Variants in TMC1 observed in about 807,000 individuals in gnomAD.
The protein encoded by TMC1 is transmembrane channel-like protein 1.
TMC1 carries 84 observed loss-of-function variants against 105.8 expected under a neutral mutation model. The ratio of observed to expected loss-of-function variants is 0.79; its 90% CI spans 0.67 to 0.95. The LOEUF (loss-of-function observed/expected upper bound fraction) is 0.95, where lower values mean the gene tolerates loss of function less well. Among genes scored for constraint, TMC1 ranks in the 40% least tolerant of loss-of-function variants. TMC1 has a pLI of 0.00. For synonymous variants in TMC1, 315 were observed against 311.5 expected, an observed-to-expected ratio of 1.01 and a Z score of -0.12; for missense variants, 817 against 914.1, an observed-to-expected ratio of 0.89 and a Z score of 1.37.
At chr9:72,669,630 C>A (rs1826096955) in intron 5 of TMC1, among the ~76,000 whole-genome samples, 1 of 151,542 alleles carries the variant, frequency 6.6e-6, no homozygotes, top group Non-Finnish European at 1.5e-5. Flanking sequence ...ATTTCACATA[C>A]CTGGGGATGA....
rs768955462 is a variant in TMC1, at chr9:72,789,193, T to G, written c.1100T>G (p.Leu367Arg). The G allele has an allele frequency of 6.6e-5, 107 of 1,613,784 alleles. No homozygotes were observed. Among genetic ancestry groups the G allele is most frequent in the Non-Finnish European group, 8.8e-5 (104 of 1,179,986 alleles). Residue 367 changes from leucine (L) to arginine (R), a missense_variant, in exon 15 of 24, where the codon CTG becomes CGG. Transcript: ENST00000297784. ...CACTTGATCAGATTCCTGAGGTTTC[T>G]GGCTAACTTCTTCGTGTTTCTAACA... ...NVHLIRFLRF[L>R]ANFFVFLTLG...
chr9:72,646,714 ACCTCCAATG>A (rs893091088), intron 4 of TMC1, among the ~76,000 whole-genome samples: 4 of 151,574 alleles, frequency 2.6e-5, no homozygotes, highest in African/African-American at 9.7e-5. Context: ...ACTCACTGCA[ACCTCCAATG>A]GGCCATTTTA....
intron 2 of TMC1, among the ~76,000 whole-genome samples, chr9:72,611,999 G>A (rs562165413): frequency 1.4e-4 from 21 of 152,022 alleles, no homozygotes; most frequent in Non-Finnish European, 3.1e-4. Flanking sequence ...CCATATCAGT[G>A]GGCTGCTTTG....
chr9:72,686,870 C>G (rs1826388247), intron 5 of TMC1, among the ~76,000 whole-genome samples: 1 of 152,140 alleles, frequency 6.6e-6, no homozygotes, highest in Non-Finnish European at 1.5e-5. Context: ...CTTGCCACCA[C>G]AGGGAATATC....
chr9:72,528,474 A>G (rs111284936), intron 1 of TMC1, among the ~76,000 whole-genome samples: 3,058 of 151,964 alleles, frequency 0.02, 95 homozygotes, highest in African/African-American at 0.07. Flanking sequence ...AGCTGGGATT[A>G]TAGGCATGCG....
At position 72,592,460 on chromosome 9, in the gene TMC1, C is replaced by T. The variant is rs556186206; in HGVS notation, c.-306+14437C>T. Among the ~76,000 whole-genome samples, 3 of 152,222 alleles carry T rather than the reference C, an allele frequency of 2.0e-5. 1 individual carries two copies. The South Asian group carries it at 6.2e-4, about 32-fold the overall frequency. ...CTTTTTGTTGGTTCCACTCAGGTGCCGTGATCCTCCAGCCTCAGCACCTTG... is the reference window on the plus strand; with the variant it reads ...CTTTTTGTTGGTTCCACTCAGGTGCTGTGATCCTCCAGCCTCAGCACCTTG... On this transcript the variant is annotated intron_variant, in intron 2 of 23. Transcript: ENST00000297784.
chr9:72,809,505 C>T (rs777588743), intron 18 of TMC1, among the ~76,000 whole-genome samples: 9 of 152,074 alleles, frequency 5.9e-5, no homozygotes, highest in African/African-American at 9.7e-5. Flanking sequence ...ATAGCTTACA[C>T]GGGTGAGGGC....
At chr9:72,638,271 C>A (rs915647664) in intron 4 of TMC1, among the ~76,000 whole-genome samples, 1 of 152,164 alleles carries the variant, frequency 6.6e-6, no homozygotes, top group Admixed American at 6.5e-5. Flanking sequence ...ATCTATCACT[C>A]CCCACACACT....
chr9:72,617,376 C>T (rs925993675), intron 3 of TMC1, among the ~76,000 whole-genome samples: 4 of 152,064 alleles, frequency 2.6e-5, no homozygotes, highest in African/African-American at 9.7e-5. Flanking sequence ...GTTGGCCAGG[C>T]TGGTCTTGAT....
At position 72,725,325 on chromosome 9, in the gene TMC1, G is replaced by GTATATATATATATATATA. The variant is rs57562145; in HGVS notation, c.363-14768_363-14751dup. ...CCACACACACATTTTATGTGTGTAT[G>GTATATATATATATATATA]TATATATATATATATATATATATAT... On this transcript the variant is annotated intron_variant, in intron 8 of 23. Transcript: ENST00000297784. Among the ~76,000 whole-genome samples, 8 of 77,674 alleles carry GTATATATATATATATATA rather than the reference G, an allele frequency of 1.0e-4. 1 individual carries two copies. Among genetic ancestry groups the GTATATATATATATATATA allele is most frequent in the South Asian group, 1.1e-3 (2 of 1,842 alleles). 51.0% of individuals were successfully genotyped at this position (77,674 alleles called of 152,430 possible). A position where few individuals can be genotyped will look rare whatever the true frequency, so the allele number is the denominator to read the frequency against.
chr9:72,568,893 A>T (rs755726098), intron 1 of TMC1, among the ~76,000 whole-genome samples: 59 of 152,230 alleles, frequency 3.9e-4, no homozygotes, highest in Admixed American at 1.3e-3. Context: ...TTAGAAAATA[A>T]AAGCTAAATT....
At chr9:72,544,721 C>A (rs1823736117) in intron 1 of TMC1, among the ~76,000 whole-genome samples, 1 of 151,490 alleles carries the variant, frequency 6.6e-6, no homozygotes. Context: ...CTCAGGTGAT[C>A]CTCCCACCTC....
At chr9:72,599,129 C>A (rs192485037) in intron 2 of TMC1, among the ~76,000 whole-genome samples, 1 of 152,128 alleles carries the variant, frequency 6.6e-6, no homozygotes. Flanking sequence ...CTCCTGGGTT[C>A]AAGCGATTCT....
intron 5 of TMC1, among the ~76,000 whole-genome samples, chr9:72,649,673 C>T (rs927901483): frequency 2.0e-5 from 3 of 152,132 alleles, no homozygotes; most frequent in Admixed American, 1.3e-4. Context: ...CACATCTTTC[C>T]AAAGAAGCTA....
In TMC1 at chr9:72,792,047, G is replaced by A; in HGVS notation, c.1386G>A (p.Met462Ile). 6.2e-7 allele frequency: 1 copy of A among 1,614,046 alleles called. No individual in the cohort carries two copies. The highest frequency in any genetic ancestry group is 1.1e-5 in the South Asian group (1 of 91,078). ...GNLYVFILAL[M>I]DEINNKIEEE... ...TATACGTATTTATTCTTGCATTAAT[G>A]GATGAGATTAACAACAAGGTAAGCC... is the stretch of plus-strand genomic sequence containing the variant. Residue 462 changes from methionine (M) to isoleucine (I), a missense_variant, in exon 16 of 24, where the codon ATG (methionine) becomes ATA (isoleucine). Met to Ile is a conservative substitution (Grantham distance 10). Transcript: ENST00000297784.
intron 8 of TMC1, among the ~76,000 whole-genome samples, chr9:72,734,670 G>T (rs2589632): frequency 6.6e-6 from 1 of 151,914 alleles, no homozygotes; most frequent in Admixed American, 6.5e-5. Flanking sequence ...AATTCTTTTA[G>T]ATGGCAGTGT....
At chr9:72,635,253 C>CA (rs56137734) in intron 4 of TMC1, among the ~76,000 whole-genome samples, 6,801 of 122,506 alleles carry the variant, frequency 0.056, 320 homozygotes, top group African/African-American at 0.13. Flanking sequence ...ACTCCGTCTC[C>CA]AAAAAAAAAA....
chr9:72,611,388 G>T (rs1205427441), intron 2 of TMC1, among the ~76,000 whole-genome samples: 1 of 152,224 alleles, frequency 6.6e-6, no homozygotes, highest in Non-Finnish European at 1.5e-5. Context: ...GAGAGGTAAA[G>T]GTTGATAAGA....
chr9:72,523,159 A>G (rs957938190), intron 1 of TMC1, among the ~76,000 whole-genome samples: 2 of 152,154 alleles, frequency 1.3e-5, no homozygotes, highest in Non-Finnish European at 2.9e-5. Context: ...CATCTCACAA[A>G]GACTCGGGGG....
Sources: allele counts gnomAD v4.1 joint callset (sites outside exome capture counted in the v4.1 genomes callset), GRCh38; gene constraint gnomAD v4.1.1; transcripts MANE v1.5; gene names NCBI Gene and HGNC (gene_info 2026-07-23, HGNC 2026-07-21).